The following DYNC2H1 variants were observed in gnomAD, a reference collection of about 807,000 sequenced individuals.
DYNC2H1 encodes dynein cytoplasmic 2 heavy chain 1, also known as cytoplasmic dynein 2 heavy chain 1.
In DYNC2H1, 410 loss-of-function variants were observed where a neutral mutation model predicts 570.0. The observed-to-expected ratio is 0.72, with a 90% confidence interval of 0.66 to 0.78. The LOEUF (loss-of-function observed/expected upper bound fraction) is 0.78, where lower values mean the gene tolerates loss of function less well. Among genes scored for constraint, DYNC2H1 ranks in the 30% least tolerant of loss-of-function variants. DYNC2H1 has a pLI of 0.00. For synonymous variants in DYNC2H1, 1,688 were observed against 1,677.6 expected (o/e 1.01, Z -0.15); for missense variants, 4,865 against 5,046.4 (o/e 0.96, Z 1.09).
At chr11:103,361,112 G>C (rs1371468393) in intron 83 of DYNC2H1, among the ~76,000 whole-genome samples, 5 of 152,172 alleles carry the variant, frequency 3.3e-5, no homozygotes, top group Admixed American at 6.5e-5. Context: ...AGTAGATGAG[G>C]TAAGGGGATG....
intron 17 of DYNC2H1, among the ~76,000 whole-genome samples, chr11:103,137,754 T>C (rs1033429886): frequency 3.9e-5 from 6 of 152,284 alleles, no homozygotes; most frequent in Non-Finnish European, 8.8e-5. Context: ...TTTTTTCCAA[T>C]TCTGTGAAGA....
chr11:103,449,180 G>A (rs761677124), intron 85 of DYNC2H1, among the ~76,000 whole-genome samples: 1 of 152,202 alleles, frequency 6.6e-6, no homozygotes, highest in African/African-American at 2.4e-5. Context: ...AGGGCGGCAA[G>A]TGTGCCTGAA....
At chr11:103,330,114 CCT>C (rs1195623536) in intron 82 of DYNC2H1, among the ~76,000 whole-genome samples, 1 of 152,000 alleles carries the variant, frequency 6.6e-6, no homozygotes. Flanking sequence ...AAAAATAGTC[CCT>C]GTTTTGAAGG....
Position 103,256,017 on chromosome 11 carries a change from C to A in DYNC2H1, c.10327-89C>A. 1 of 1,157,860 alleles carries A rather than the reference C, an allele frequency of 8.6e-7. No homozygotes were observed. The allele number at this position is 1,157,860 out of a possible 1,614,324, so 71.7% of individuals were successfully genotyped here. A position where few individuals can be genotyped will look rare whatever the true frequency, so the allele number is the denominator to read the frequency against. Reference sequence around the variant, plus strand: ...CTAAAATAACATAAGTTGCCATAAACATCAAATGAATGACAGTTAATATGG... The same window carrying A: ...CTAAAATAACATAAGTTGCCATAAAAATCAAATGAATGACAGTTAATATGG... On this transcript the variant is annotated intron_variant, in intron 67 of 88. Transcript: ENST00000375735. The surrounding 1 kb of genome is among the most constrained non-coding windows in gnomAD (Gnocchi z 4.0).
At chr11:103,427,823 T>A (rs894333049) in intron 84 of DYNC2H1, among the ~76,000 whole-genome samples, 24 of 152,104 alleles carry the variant, frequency 1.6e-4, no homozygotes, top group Non-Finnish European at 5.9e-5. Context: ...AACATATGCA[T>A]CTTGTGGGGA....
intron 87 of DYNC2H1, among the ~76,000 whole-genome samples, chr11:103,467,267 T>G (rs1156512720): frequency 1.3e-5 from 2 of 152,204 alleles, no homozygotes; most frequent in Admixed American, 1.3e-4. Context: ...TAAATAATTA[T>G]ATTATCATCC....
intron 75 of DYNC2H1, among the ~76,000 whole-genome samples, chr11:103,298,006 T>C (rs1866904195): frequency 6.6e-6 from 1 of 152,118 alleles, no homozygotes. Flanking sequence ...TTCCCCACTT[T>C]AAGTCTATCC....
At position 103,268,602 on chromosome 11, in the gene DYNC2H1, T is replaced by C. The variant is rs1387482504; in HGVS notation, c.10695+8625T>C. On this transcript the variant is annotated intron_variant, in intron 70 of 88. Transcript: ENST00000375735. This position sits in a 1 kb window ranked among gnomAD's most constrained non-coding sequence, Gnocchi z 4.6. Reference sequence around the variant, plus strand: ...TTGTAATAATGTGTTTAATGGTTTTTAAATTTTTATTTCTAAGACCTTTAC... The same window carrying C: ...TTGTAATAATGTGTTTAATGGTTTTCAAATTTTTATTTCTAAGACCTTTAC... 6.6e-6 allele frequency among the ~76,000 whole-genome samples: 1 copy of C among 152,044 alleles called. No homozygotes were observed. The highest frequency in any genetic ancestry group is 1.5e-5 in the Non-Finnish European group (1 of 67,916).
Position 103,374,155 on chromosome 11 carries a change from C to A in DYNC2H1, c.12156+15796C>A, listed in dbSNP as rs1045081329. ...TTAATTGGAGAATGATATGGTTTGA[C>A]CATGTCCCCACACAAATCTCATCTT... is the stretch of plus-strand genomic sequence containing the variant. On this transcript the variant is annotated intron_variant, in intron 83 of 88. Coordinates refer to ENST00000375735, the MANE Select transcript of DYNC2H1 (RefSeq NM_001377.3). Among the ~76,000 whole-genome samples, 6 of 152,214 alleles carry A rather than the reference C, an allele frequency of 3.9e-5. No homozygotes were observed. In the East Asian group the frequency reaches 1.2e-3, roughly 29 times the overall value.
At chr11:103,393,844 G>T (rs1366166242) in intron 83 of DYNC2H1, among the ~76,000 whole-genome samples, 2 of 152,200 alleles carry the variant, frequency 1.3e-5, no homozygotes, top group Non-Finnish European at 1.5e-5. Context: ...TTCTTATGTG[G>T]ATGCGGGCAG....
chr11:103,237,324 A>C (rs12277086), intron 63 of DYNC2H1, among the ~76,000 whole-genome samples: 5,797 of 152,072 alleles, frequency 0.038, 368 homozygotes, highest in African/African-American at 0.13. Flanking sequence ...CAAAGAAAGC[A>C]TGAACATTAA....
At chr11:103,417,105 G>C (rs901010008) in intron 84 of DYNC2H1, among the ~76,000 whole-genome samples, 52 of 151,982 alleles carry the variant, frequency 3.4e-4, no homozygotes, top group African/African-American at 1.2e-3. Context: ...TAGAATGATG[G>C]AGTCTTTCTT....
chr11:103,250,315 A>G (rs1352872470), intron 65 of DYNC2H1, among the ~76,000 whole-genome samples: 1 of 151,982 alleles, frequency 6.6e-6, no homozygotes, highest in Non-Finnish European at 1.5e-5. Context: ...ATTTATCAAT[A>G]TTACTAATCT....
chr11:103,356,867 A>G (rs1477365185), intron 82 of DYNC2H1, among the ~76,000 whole-genome samples: 1 of 152,190 alleles, frequency 6.6e-6, no homozygotes. Context: ...GTAAGAACCT[A>G]ACAAAATATG....
chr11:103,454,296 G>A (rs11225809), intron 85 of DYNC2H1, among the ~76,000 whole-genome samples: 10,453 of 151,994 alleles, frequency 0.069, 432 homozygotes, highest in Non-Finnish European at 0.093. Flanking sequence ...GTTTTTAATC[G>A]CTGACATTAC....
At position 103,303,112 on chromosome 11, in the gene DYNC2H1, A is replaced by G. The variant is rs1867119110; in HGVS notation, c.11115A>G (p.Pro3705=). ...CKTLGLKEVS[P]LPLNLKRLYK... ...TTTTAGGACTGAAAGAGGTGTCCCC[A>G]CTGCCTCTAAATCTCAAACGTTTAT... is the stretch of plus-strand genomic sequence containing the variant. The change falls in exon 76 of 89, where the codon CCA becomes CCG. Residue 3705 remains proline, a synonymous_variant. Coordinates refer to ENST00000375735, the MANE Select transcript of DYNC2H1 (RefSeq NM_001377.3). 1.3e-6 allele frequency: 2 copies of G among 1,585,994 alleles called. No individual in the cohort carries two copies. Among genetic ancestry groups the G allele is most frequent in the African/African-American group, 1.3e-5 (1 of 74,470 alleles).
At chr11:103,313,178 A>G (rs1237739748) in intron 79 of DYNC2H1, among the ~76,000 whole-genome samples, 1 of 152,184 alleles carries the variant, frequency 6.6e-6, no homozygotes, top group Non-Finnish European at 1.5e-5. Context: ...ACCATAGTCC[A>G]GAAGAAAAGA....
At chr11:103,272,551 AC>A (rs1307819856) in intron 70 of DYNC2H1, among the ~76,000 whole-genome samples, 1 of 152,216 alleles carries the variant, frequency 6.6e-6, no homozygotes, top group Non-Finnish European at 1.5e-5. Flanking sequence ...GTGCAGATGT[AC>A]CCTAGAACTT....
intron 69 of DYNC2H1, among the ~76,000 whole-genome samples, chr11:103,259,647 A>G (rs1865191210): frequency 6.6e-6 from 1 of 152,148 alleles, no homozygotes; most frequent in Admixed American, 6.5e-5. Context: ...CTTATATTGT[A>G]TTATTGGGAA....
Sources: allele counts gnomAD v4.1 joint callset (sites outside exome capture counted in the v4.1 genomes callset), GRCh38; gene constraint gnomAD v4.1.1; non-coding constraint Gnocchi (gnomAD v3.1); transcripts MANE v1.5; gene names NCBI Gene and HGNC (gene_info 2026-07-23, HGNC 2026-07-21).